Variants in GLIS3 observed in about 807,000 individuals in gnomAD.
The protein encoded by GLIS3 is zinc finger protein GLIS3.
A neutral mutation model predicts 78.6 loss-of-function variants in GLIS3; 53 were observed. The observed-to-expected ratio is 0.67, with a 90% CI of 0.54 to 0.85. The LOEUF is 0.85. Among genes scored for constraint, GLIS3 ranks in the 40% least tolerant of loss-of-function variants. The pLI is 0.00. For missense variants in GLIS3, 1,703 were observed against 1,231.1 expected (o/e 1.38, Z -5.74); for synonymous variants, 684 against 509.9 (o/e 1.34, Z -4.60).
the GLIS3 span, among the ~76,000 whole-genome samples, chr9:4,412,608 G>C: frequency 2.0e-5 from 3 of 152,252 alleles, no homozygotes; most frequent in South Asian, 6.2e-4. Context: ...TGGGTGAAGG[G>C]CAATATTTAT....
intron 2 of GLIS3, among the ~76,000 whole-genome samples, chr9:4,195,625 C>G (rs1818758777): frequency 1.3e-5 from 2 of 152,280 alleles, no homozygotes; most frequent in South Asian, 4.1e-4. Flanking sequence ...GGGCACGCCC[C>G]CTGTTCCACA....
chr9:3,861,141 G>A (rs1820186185), intron 8 of GLIS3, among the ~76,000 whole-genome samples: 1 of 152,186 alleles, frequency 6.6e-6, no homozygotes, highest in African/African-American at 2.4e-5. Flanking sequence ...AGGCATCCCT[G>A]ACATTAACAT....
At chr9:3,995,809 A>T (rs1820697001) in intron 4 of GLIS3, among the ~76,000 whole-genome samples, 1 of 152,158 alleles carries the variant, frequency 6.6e-6, no homozygotes, top group South Asian at 2.1e-4. Context: ...TAAAAGGCAC[A>T]GAAGGTAGAT....
intron 2 of GLIS3, among the ~76,000 whole-genome samples, chr9:4,326,090 T>C (rs12346560): frequency 6.7e-4 from 102 of 151,916 alleles, no homozygotes; most frequent in African/African-American, 2.3e-3. Flanking sequence ...GAAGAACAGC[T>C]AATGGACGCT....
At chr9:4,071,849 G>A (rs976466436) in intron 4 of GLIS3, 2 of 152,134 alleles carry the variant, frequency 1.3e-5, no homozygotes, top group African/African-American at 4.8e-5. Context: ...CATTTTAAAA[G>A]TCACCCTGAG....
At chr9:4,140,479 G>A (rs918495724) in intron 2 of GLIS3, among the ~76,000 whole-genome samples, 5 of 152,180 alleles carry the variant, frequency 3.3e-5, no homozygotes, top group African/African-American at 1.2e-4. Context: ...CAGATGGGAT[G>A]CCCAGAAGCC....
At chr9:3,953,666 G>A (rs1816845846) in intron 4 of GLIS3, among the ~76,000 whole-genome samples, 1 of 151,966 alleles carries the variant, frequency 6.6e-6, no homozygotes, top group African/African-American at 2.4e-5. Context: ...TGGATTAAAA[G>A]TAAGCTGTTG....
At chr9:4,339,478 T>C (rs1817801850) in intron 2 of GLIS3, among the ~76,000 whole-genome samples, 1 of 151,960 alleles carries the variant, frequency 6.6e-6, no homozygotes, top group Non-Finnish European at 1.5e-5. Flanking sequence ...ATCTGTTACA[T>C]AAACAGCCTT....
intron 2 of GLIS3, among the ~76,000 whole-genome samples, chr9:4,261,709 T>C (rs1244539448): frequency 2.0e-5 from 3 of 152,188 alleles, no homozygotes; most frequent in Non-Finnish European, 4.4e-5. Context: ...TCTTTGTCAA[T>C]GGCCATAAAC....
chr9:3,958,177 G>A (rs1817281208), intron 4 of GLIS3, among the ~76,000 whole-genome samples: 2 of 152,066 alleles, frequency 1.3e-5, no homozygotes, highest in Admixed American at 1.3e-4. Flanking sequence ...AGCCCTTAGT[G>A]AACAACTGCA....
intron 4 of GLIS3, among the ~76,000 whole-genome samples, chr9:4,033,096 A>G (rs7047313): frequency 0.5 from 75,025 of 151,560 alleles, 18,893 homozygotes; most frequent in African/African-American, 0.53. Flanking sequence ...CTTGTGATCC[A>G]CCTGCCTCAG....
the GLIS3 span, among the ~76,000 whole-genome samples, chr9:4,412,329 A>C: frequency 6.6e-6 from 1 of 152,234 alleles, no homozygotes; most frequent in Admixed American, 6.5e-5. Context: ...TTAGTGGACT[A>C]AAAGTTACCT....
At chr9:3,927,832 T>G (rs1486356026) in intron 6 of GLIS3, among the ~76,000 whole-genome samples, 1 of 152,228 alleles carries the variant, frequency 6.6e-6, no homozygotes, top group Non-Finnish European at 1.5e-5. Context: ...TCCAAGCAAC[T>G]GGTTTCAAAT....
At chr9:4,458,160 C>A in the GLIS3 span, among the ~76,000 whole-genome samples, 1 of 152,186 alleles carries the variant, frequency 6.6e-6, no homozygotes, top group Non-Finnish European at 1.5e-5. Context: ...CAACTTTGTT[C>A]TCTCTTATTG....
chr9:4,391,607 T>A, the GLIS3 span, among the ~76,000 whole-genome samples: 1 of 151,746 alleles, frequency 6.6e-6, no homozygotes, highest in East Asian at 1.9e-4. Context: ...GATGGTCAGT[T>A]TATTCTACCA....
At chr9:4,388,700 A>G in the GLIS3 span, among the ~76,000 whole-genome samples, 1 of 152,102 alleles carries the variant, frequency 6.6e-6, no homozygotes, top group African/African-American at 2.4e-5. Context: ...AAATAAAAAT[A>G]AAGTGGACAA....
intron 4 of GLIS3, among the ~76,000 whole-genome samples, chr9:4,115,888 G>C (rs894208178): frequency 1.3e-5 from 2 of 152,102 alleles, no homozygotes; most frequent in African/African-American, 2.4e-5. Flanking sequence ...CCTAGAAGTG[G>C]GGAGTGGGCA....
At chr9:4,192,816 A>T (rs1262396775) in intron 2 of GLIS3, among the ~76,000 whole-genome samples, 1 of 151,964 alleles carries the variant, frequency 6.6e-6, no homozygotes, top group Non-Finnish European at 1.5e-5. Flanking sequence ...TTTAAAAAAA[A>T]AAAAAGAAGA....
At chr9:4,151,246 C>T (rs1181153942) in intron 2 of GLIS3, among the ~76,000 whole-genome samples, 1 of 152,136 alleles carries the variant, frequency 6.6e-6, no homozygotes, top group Non-Finnish European at 1.5e-5. Context: ...TGCATTCTCC[C>T]AGATCAGACA....
Sources: gnomAD v4.1 joint callset for allele counts (sites outside exome capture counted in the v4.1 genomes callset) on GRCh38, gnomAD v4.1.1 for gene constraint, MANE v1.5 for transcripts, NCBI Gene and HGNC (gene_info 2026-07-23, HGNC 2026-07-21) for gene names.